SHQ1: variants seen among roughly 807,000 people sequenced by gnomAD.
The protein encoded by SHQ1 is protein SHQ1 homolog.
Under a neutral mutation model 53.8 loss-of-function variants are expected in SHQ1, and 49 were observed. The ratio of observed to expected loss-of-function variants is 0.91; its 90% CI spans 0.72 to 1.16. The LOEUF is 1.16. Among genes scored for constraint, SHQ1 ranks in the 50% most tolerant of loss-of-function variants. SHQ1 has a pLI of 0.00. For synonymous variants in SHQ1, 243 were observed against 251.0 expected, an observed-to-expected ratio of 0.97 and a Z score of 0.30; for missense variants, 738 against 683.1, an observed-to-expected ratio of 1.08 and a Z score of -0.90.
At chr3:72,766,530 G>A (rs1705734468) in intron 10 of SHQ1, among the ~76,000 whole-genome samples, 1 of 152,088 alleles carries the variant, frequency 6.6e-6, no homozygotes, top group Admixed American at 6.6e-5. Context: ...TAAAAGAGAA[G>A]GAAAATTCTG....
chr3:72,848,193 C>T lies in SHQ1; in HGVS notation c.143+5G>A, dbSNP rs1048385834. On this transcript the variant is annotated splice_donor_5th_base_variant and intron_variant, in intron 1 of 10. Coordinates refer to ENST00000325599, the MANE Select transcript of SHQ1 (RefSeq NM_018130.3). ...CTTTCCTGCGGCCAGGCACCCCGAA[C>T]TCGCCTGAGAAAGTATGGCTTGGCG... is the stretch of plus-strand genomic sequence containing the variant. 5.6e-6 allele frequency: 9 copies of T among 1,614,170 alleles called. No homozygotes were observed. The highest frequency in any genetic ancestry group is 6.8e-6 in the Non-Finnish European group (8 of 1,180,030).
chr3:72,760,740 T>C (rs1419518720), intron 10 of SHQ1, among the ~76,000 whole-genome samples: 1 of 152,238 alleles, frequency 6.6e-6, no homozygotes, highest in African/African-American at 2.4e-5. Flanking sequence ...TTAATTCCTA[T>C]GGAGAAGTCA....
At chr3:72,841,346 T>C (rs1251972972) in intron 3 of SHQ1, 147 bp from the exon 4 acceptor site, 5 of 562,882 alleles carry the variant, frequency 8.9e-6, no homozygotes, top group Non-Finnish European at 1.5e-5. Flanking sequence ...CCGCTATTCG[T>C]GACAGCAAAA....
At chr3:72,832,258 A>G (rs1317269035) in intron 5 of SHQ1, 111 bp downstream of exon 5, 8 of 741,050 alleles carry the variant, frequency 1.1e-5, no homozygotes, top group Non-Finnish European at 1.9e-5. Context: ...TCAGTCATCA[A>G]TAATTTCTGG....
At chr3:72,773,312 C>A in intron 10 of SHQ1, 1 of 610,292 alleles carries the variant, frequency 1.6e-6, no homozygotes, top group South Asian at 1.4e-5. Flanking sequence ...GAATCTAGCT[C>A]CAAAGACAAG....
At chr3:72,737,246 C>A in the SHQ1 span, among the ~76,000 whole-genome samples, 293 of 152,008 alleles carry the variant, frequency 1.9e-3, 2 homozygotes, top group African/African-American at 6.7e-3. Context: ...CCACTGTACT[C>A]CAGCCTGGGC....
At chr3:72,845,260 G>C (rs560167861) in intron 1 of SHQ1, among the ~76,000 whole-genome samples, 6 of 152,088 alleles carry the variant, frequency 3.9e-5, no homozygotes, top group African/African-American at 1.2e-4. Context: ...GAGGTGGGTC[G>C]ATCACCTTAG....
At position 72,830,112 on chromosome 3, in the gene SHQ1, C is replaced by CAA. The variant is rs202235555; in HGVS notation, c.599+2255_599+2256dup. Among the ~76,000 whole-genome samples the CAA allele has an allele frequency of 5.8e-3, 519 of 89,292 alleles. 6 individuals are homozygous for CAA. The highest frequency in any genetic ancestry group is 0.017 in the African/African-American group (488 of 28,950). The allele number at this position is 89,292 out of a possible 152,430, so 58.6% of individuals were successfully genotyped here. A position where few individuals can be genotyped will look rare whatever the true frequency, so the allele number is the denominator to read the frequency against. The stretch of plus-strand genomic sequence containing the variant: ...CACTATAGTGAGCTGCAAAACATGC[C>CAA]AAAAAAAAAAAAACAGATTATACCA... On this transcript the variant is annotated intron_variant, in intron 5 of 10. Transcript: ENST00000325599.
chr3:72,767,246 G>A (rs868125414), intron 10 of SHQ1, among the ~76,000 whole-genome samples: 3 of 152,194 alleles, frequency 2.0e-5, no homozygotes, highest in Non-Finnish European at 4.4e-5. Context: ...ATGTTCAGAA[G>A]CAAAAACCTG....
chr3:72,754,586 G>A (rs1705462270), intron 10 of SHQ1, among the ~76,000 whole-genome samples: 1 of 151,976 alleles, frequency 6.6e-6, no homozygotes, highest in South Asian at 2.1e-4. Context: ...TTTCCATGTT[G>A]GTCAGGCTGG....
At chr3:72,748,753 C>T (rs1705305805), downstream of SHQ1, among the ~76,000 whole-genome samples, 1 of 151,918 alleles carries the variant, frequency 6.6e-6, no homozygotes, top group Admixed American at 6.6e-5. Context: ...AACAAAAGAA[C>T]TCTAAAAAAT....
chr3:72,789,748 A>ATTTTAGAGGGGAAAGATTATAT (rs1706380163), intron 10 of SHQ1, among the ~76,000 whole-genome samples: 4 of 152,234 alleles, frequency 2.6e-5, no homozygotes, highest in African/African-American at 9.6e-5. Flanking sequence ...AGAGATACAC[A>ATTTTAGAGGGGAAAGATTATAT]TCTAGATTCC....
intron 4 of SHQ1, among the ~76,000 whole-genome samples, chr3:72,834,764 T>A (rs1015552410): frequency 4.6e-5 from 7 of 152,216 alleles, no homozygotes; most frequent in African/African-American, 1.4e-4. Flanking sequence ...CAAAAAGTTC[T>A]GGATCTACAT....
intron 10 of SHQ1, among the ~76,000 whole-genome samples, chr3:72,754,808 A>G (rs1705465991): frequency 6.6e-6 from 1 of 152,226 alleles, no homozygotes; most frequent in African/African-American, 2.4e-5. Context: ...TGACTAATAT[A>G]TTTAGCTTAA....
In SHQ1 at chr3:72,848,388, G is replaced by A. The variant is rs754097340; in HGVS notation, c.-48C>T. 5.0e-6 allele frequency: 8 copies of A among 1,605,466 alleles called. No homozygotes were observed. Among genetic ancestry groups the A allele is most frequent in the Admixed American group, 3.4e-5 (2 of 59,178 alleles). On this transcript the variant is annotated 5_prime_UTR_variant, in exon 1 of 11. Coordinates refer to ENST00000325599, the MANE Select transcript of SHQ1 (RefSeq NM_018130.3). ...GGCGCCGCTCGCTCTCACTGCCGCC[G>A]CGTTCCCGCCACGCAAACTCTCCAA...
intron 10 of SHQ1, among the ~76,000 whole-genome samples, chr3:72,790,908 T>C (rs2106789182): frequency 6.6e-6 from 1 of 152,258 alleles, no homozygotes; most frequent in Admixed American, 6.5e-5. Flanking sequence ...CAATACATTA[T>C]CCCATTTTTT....
At chr3:72,751,535 T>TATATATATATATATATATATATATATAC (rs1444853961) in intron 10 of SHQ1, among the ~76,000 whole-genome samples, 1 of 139,926 alleles carries the variant, frequency 7.1e-6, no homozygotes, top group African/African-American at 3.0e-5. Flanking sequence ...TATATACATA[T>TATATATATATATATATATATATATATAC]ACATACACTA....
At chr3:72,776,485 TCA>T (rs1462056520) in intron 10 of SHQ1, among the ~76,000 whole-genome samples, 1 of 152,180 alleles carries the variant, frequency 6.6e-6, no homozygotes, top group African/African-American at 2.4e-5. Flanking sequence ...TCTATGATGC[TCA>T]CACAACAAAA....
At chr3:72,846,101 C>A in intron 1 of SHQ1, 1 of 1,028,700 alleles carries the variant, frequency 9.7e-7, no homozygotes, top group Non-Finnish European at 1.4e-6. Context: ...GCTTAGTGGC[C>A]GGCACAACAG....
Sources: allele counts gnomAD v4.1 joint callset (sites outside exome capture counted in the v4.1 genomes callset), GRCh38; gene constraint gnomAD v4.1.1; transcripts MANE v1.5; gene names NCBI Gene and HGNC (gene_info 2026-07-23, HGNC 2026-07-21).